Variants in OSBPL9 observed in about 807,000 individuals in gnomAD.
OSBPL9 encodes the protein oxysterol binding protein like 9.
Under a neutral mutation model 106.6 loss-of-function variants are expected in OSBPL9, and 40 were observed. That is an observed-to-expected ratio of 0.38 (90% CI 0.29 to 0.49). The LOEUF (loss-of-function observed/expected upper bound fraction) is 0.49. OSBPL9 is among the 20% of genes least tolerant of loss of function. The pLI, the probability that OSBPL9 is intolerant of heterozygous loss-of-function variation, is 0.97. For missense variants in OSBPL9, 609 were observed against 887.2 expected (o/e 0.69, Z 3.98); for synonymous variants, 269 against 295.4 (o/e 0.91, Z 0.92).
upstream of OSBPL9, among the ~76,000 whole-genome samples, chr1:51,574,413 T>A (rs761836220): frequency 9.3e-5 from 14 of 151,306 alleles, no homozygotes; most frequent in Non-Finnish European, 1.8e-4. Flanking sequence ...AGGTCAGGAG[T>A]TCGAGACCAG....
chr1:51,525,901 G>C, the OSBPL9 span, among the ~76,000 whole-genome samples: 97 of 152,120 alleles, frequency 6.4e-4, no homozygotes, highest in Non-Finnish European at 1.1e-3. Flanking sequence ...TTTTGAGACA[G>C]CATCTCACTC....
chr1:51,563,629 T>C, the OSBPL9 span: 1 of 152,200 alleles, frequency 6.6e-6, no homozygotes, highest in Non-Finnish European at 1.5e-5. Context: ...CCTCACCTTA[T>C]ACTTCGGATT....
chr1:51,696,208 A>G (rs1471611453), intron 3 of OSBPL9, among the ~76,000 whole-genome samples: 1 of 152,226 alleles, frequency 6.6e-6, no homozygotes, highest in Non-Finnish European at 1.5e-5. Context: ...AGAAAGTGAC[A>G]TTGTAGCGTA....
chr1:51,562,227 T>C, the OSBPL9 span, among the ~76,000 whole-genome samples: 8 of 152,218 alleles, frequency 5.3e-5, no homozygotes, highest in Admixed American at 5.2e-4. Flanking sequence ...CATAAATGGT[T>C]TAGCACGATC....
At chr1:51,776,760 C>CTTT in intron 14 of OSBPL9, 73 bp from the exon 15 acceptor site, 50 of 802,636 alleles carry the variant, frequency 6.2e-5, no homozygotes, top group Admixed American at 1.0e-4. Context: ...GTTTTGTTTT[C>CTTT]TTTTTTTTTT....
intron 4 of OSBPL9, among the ~76,000 whole-genome samples, chr1:51,723,778 T>C (rs1305640733): frequency 1.3e-5 from 2 of 152,232 alleles, no homozygotes; most frequent in Admixed American, 1.3e-4. Context: ...TGGTTGCTTC[T>C]AAGTTTTGGC....
In OSBPL9 at chr1:51,724,003, G is replaced by C. The variant is rs558172087; in HGVS notation, c.318+9924G>C. Among the ~76,000 whole-genome samples, 116 of 152,240 alleles carry C rather than the reference G, an allele frequency of 7.6e-4. 1 individual carries two copies. The highest frequency in any genetic ancestry group is 2.7e-3 in the African/African-American group (114 of 41,526). On this transcript the variant is annotated intron_variant, in intron 4 of 23. Transcript: ENST00000428468. ...GCTATGTCGCCCAGGCTGCCATACA[G>C]TGGTGCCATCTGGGCTCACTGAAAC...
At chr1:51,580,213 G>A (rs894841771) in intron 1 of OSBPL9, among the ~76,000 whole-genome samples, 3 of 152,188 alleles carry the variant, frequency 2.0e-5, no homozygotes, top group Non-Finnish European at 2.9e-5. Context: ...GTGGTGAACA[G>A]CATGAGATAA....
chr1:51,740,208 A>T (rs1243971503), intron 4 of OSBPL9: 2 of 1,537,946 alleles, frequency 1.3e-6, no homozygotes, highest in East Asian at 2.5e-5. Flanking sequence ...TTTCAAAAAT[A>T]ATTGTAAGTG....
intron 1 of OSBPL9, among the ~76,000 whole-genome samples, chr1:51,622,926 A>G (rs1438879939): frequency 1.3e-5 from 2 of 152,250 alleles, no homozygotes; most frequent in Admixed American, 6.5e-5. Flanking sequence ...AACCACCACA[A>G]TCACAATTTA....
intron 3 of OSBPL9, among the ~76,000 whole-genome samples, chr1:51,706,987 G>A (rs1658689897): frequency 6.7e-6 from 1 of 149,016 alleles, no homozygotes; most frequent in Admixed American, 6.6e-5. Flanking sequence ...CCCTCTTCAG[G>A]GGGTCTGGCA....
At chr1:51,764,565 CGTAA>C (rs1383635135) in intron 11 of OSBPL9, among the ~76,000 whole-genome samples, 2 of 150,724 alleles carry the variant, frequency 1.3e-5, no homozygotes, top group Non-Finnish European at 2.9e-5. Flanking sequence ...GCAAAAAATC[CGTAA>C]GTGACTCTGG....
intron 1 of OSBPL9, among the ~76,000 whole-genome samples, chr1:51,649,979 G>C (rs1646414435): frequency 6.6e-6 from 1 of 151,862 alleles, no homozygotes; most frequent in Non-Finnish European, 1.5e-5. Context: ...GGCTCAAGCA[G>C]TCCTCCCACC....
At chr1:51,638,591 G>T (rs762970292) in intron 1 of OSBPL9, among the ~76,000 whole-genome samples, 1 of 151,924 alleles carries the variant, frequency 6.6e-6, no homozygotes, top group African/African-American at 2.4e-5. Flanking sequence ...AAAGAAAGGC[G>T]GGGCACGGTG....
chr1:51,573,105 G>A (rs1410815994), upstream of OSBPL9, among the ~76,000 whole-genome samples: 1 of 152,050 alleles, frequency 6.6e-6, no homozygotes, highest in Non-Finnish European at 1.5e-5. Context: ...CCAGCTACTT[G>A]GGAGGCTGAG....
At chr1:51,716,727 ACTGT>A (rs1406418114) in intron 4 of OSBPL9, among the ~76,000 whole-genome samples, 1 of 152,196 alleles carries the variant, frequency 6.6e-6, no homozygotes, top group African/African-American at 2.4e-5. Flanking sequence ...TGTATAACAT[ACTGT>A]CTGTTAGGCA....
chr1:51,610,005 C>A (rs1643975181), intron 2 of OSBPL9, among the ~76,000 whole-genome samples: 1 of 151,836 alleles, frequency 6.6e-6, no homozygotes, highest in South Asian at 2.1e-4. Context: ...CCTCGGCCTC[C>A]CAAAGTGCTG....
intron 4 of OSBPL9, among the ~76,000 whole-genome samples, chr1:51,717,675 C>CTTT (rs553384136): frequency 7.2e-6 from 1 of 138,994 alleles, no homozygotes; most frequent in East Asian, 2.1e-4. Context: ...GTTAAAATGG[C>CTTT]TTTTTTTTTT....
upstream of OSBPL9, among the ~76,000 whole-genome samples, chr1:51,612,105 TAGTG>T (rs1230470180): frequency 2.0e-5 from 3 of 152,244 alleles, no homozygotes; most frequent in African/African-American, 7.2e-5. Flanking sequence ...TTCCATTGCT[TAGTG>T]AGTTTTAAAA....
Sources: allele counts gnomAD v4.1 joint callset (sites outside exome capture counted in the v4.1 genomes callset), GRCh38; gene constraint gnomAD v4.1.1; transcripts MANE v1.5; gene names NCBI Gene and HGNC (gene_info 2026-07-23, HGNC 2026-07-21).